PDILT: variants seen among roughly 807,000 people sequenced by gnomAD.
PDILT encodes the protein protein disulfide isomerase like, testis expressed.
PDILT carries 43 observed loss-of-function variants against 53.7 expected under a neutral mutation model. The observed-to-expected ratio is 0.80, with a 90% CI of 0.63 to 1.03. The LOEUF (loss-of-function observed/expected upper bound fraction) is 1.03, where lower values mean the gene tolerates loss of function less well. Among genes scored for constraint, PDILT ranks in the 50% least tolerant of loss-of-function variants. The pLI is 0.00. For missense variants in PDILT, 727 were observed against 712.3 expected (o/e 1.02, Z -0.24); for synonymous variants, 282 against 274.2 (o/e 1.03, Z -0.28).
At chr16:20,369,748 C>A in intron 7 of PDILT, 59 bp from the exon 8 acceptor site, 1 of 1,559,788 alleles carries the variant, frequency 6.4e-7, no homozygotes, top group Non-Finnish European at 8.8e-7. Context: ...AGAAAAACTG[C>A]TGAAAGGCTG....
chr16:20,399,784 C>A (rs1220305057), intron 1 of PDILT, among the ~76,000 whole-genome samples: 1 of 150,844 alleles, frequency 6.6e-6, no homozygotes, highest in Non-Finnish European at 1.5e-5. Context: ...TCACTACCTG[C>A]AGTGTACCCT....
rs1966180751 is a variant in PDILT at position 20,365,660 on chromosome 16, G to A, written c.1117-120C>T. On this transcript the variant is annotated intron_variant, in intron 8 of 11. Coordinates refer to ENST00000302451, the MANE Select transcript of PDILT (RefSeq NM_174924.2). Reference sequence around the variant, plus strand: ...CGTGTTTTTTTCACAAGAGCCTTAGGAAAGGGTTTGAAATACTGAGATGGA... The same window carrying A: ...CGTGTTTTTTTCACAAGAGCCTTAGAAAAGGGTTTGAAATACTGAGATGGA... The A allele has an allele frequency of 5.6e-6, 7 of 1,250,550 alleles. No homozygotes were observed. The South Asian group carries it at 7.2e-5, about 13-fold the overall frequency. The allele number at this position is 1,250,550 out of a possible 1,614,324, so 77.5% of individuals were successfully genotyped here. A position where few individuals can be genotyped will look rare whatever the true frequency, so the allele number is the denominator to read the frequency against.
intron 7 of PDILT, among the ~76,000 whole-genome samples, chr16:20,370,257 C>T (rs1034430735): frequency 1.3e-5 from 2 of 152,186 alleles, no homozygotes; most frequent in Non-Finnish European, 2.9e-5. Flanking sequence ...AATCCCTGCC[C>T]TCAAGGAGTT....
At chr16:20,390,427 T>A (rs985055941) in intron 2 of PDILT, among the ~76,000 whole-genome samples, 2 of 152,156 alleles carry the variant, frequency 1.3e-5, no homozygotes, top group Admixed American at 6.5e-5. Context: ...CACCTTAAGA[T>A]CTTTGCTAAA....
At chr16:20,401,573 G>C (rs1341867662) in intron 1 of PDILT, among the ~76,000 whole-genome samples, 2 of 152,190 alleles carry the variant, frequency 1.3e-5, no homozygotes, top group African/African-American at 4.8e-5. Flanking sequence ...GAAAGGGCCA[G>C]ATCTGCAAAA....
At chr16:20,400,646 G>A (rs1218821979) in intron 1 of PDILT, among the ~76,000 whole-genome samples, 6 of 152,002 alleles carry the variant, frequency 3.9e-5, no homozygotes, top group Non-Finnish European at 8.8e-5. Context: ...TACAAAAATA[G>A]AGAGATGGTA....
intron 10 of PDILT, among the ~76,000 whole-genome samples, chr16:20,362,156 C>A (rs990735994): frequency 6.6e-6 from 1 of 152,170 alleles, no homozygotes; most frequent in Non-Finnish European, 1.5e-5. Context: ...ATCAAAACAC[C>A]CACATCCACT....
At chr16:20,379,653 G>A (rs1232314271) in intron 3 of PDILT, among the ~76,000 whole-genome samples, 1 of 152,178 alleles carries the variant, frequency 6.6e-6, no homozygotes, top group African/African-American at 2.4e-5. Flanking sequence ...TGTCTCTGGG[G>A]CACACTGTAT....
In PDILT at chr16:20,402,050, C is replaced by T. The variant is rs189754182; in HGVS notation, c.-8+2446G>A. The stretch of plus-strand genomic sequence containing the variant: ...CTTCCCTTTGGCTCCACGGAGCCAG[C>T]CACAGCTCCTCTTTACTCACTTGCT... On this transcript the variant is annotated intron_variant, in intron 1 of 11. Coordinates refer to ENST00000302451, the MANE Select transcript of PDILT (RefSeq NM_174924.2). Among the ~76,000 whole-genome samples, 186 of 152,360 alleles carry T rather than the reference C, an allele frequency of 1.2e-3. 1 individual carries two copies. The highest frequency in any genetic ancestry group is 4.2e-3 in the African/African-American group (173 of 41,588).
chr16:20,392,315 G>A (rs1275818482), intron 2 of PDILT, among the ~76,000 whole-genome samples: 1 of 152,160 alleles, frequency 6.6e-6, no homozygotes, highest in Non-Finnish European at 1.5e-5. Flanking sequence ...AGATGCTGAG[G>A]TCTGTCGTGG....
In PDILT at chr16:20,399,190, C is replaced by G. The variant is rs752006573; in HGVS notation, c.111G>C (p.Val37=). The G allele has an allele frequency of 1.2e-6, 2 of 1,614,192 alleles. No homozygotes were observed. The highest frequency in any genetic ancestry group is 1.7e-6 in the Non-Finnish European group (2 of 1,180,034). The part of the protein sequence containing the change: ...GVSSIHITKP[V]HILEERSLLV... ...GGAGACTGCGTTCCTCCAGGATGTG[C>G]ACAGGCTTGGTTATGTGGATGCTGG... Residue 37 remains valine, a synonymous_variant, in exon 2 of 12, where the codon GTG becomes GTC. Transcript: ENST00000302451.
chr16:20,365,301 C>T, intron 9 of PDILT, 119 bp downstream of exon 9: 1 of 1,139,778 alleles, frequency 8.8e-7, no homozygotes, highest in Non-Finnish European at 1.3e-6. Context: ...ATCTGAAGAC[C>T]ATCCTTGGCA....
intron 7 of PDILT, 64 bp downstream of exon 7, chr16:20,372,738 C>T (rs1185008520): frequency 1.9e-6 from 3 of 1,567,658 alleles, no homozygotes; most frequent in East Asian, 4.5e-5. Flanking sequence ...CAAATGGGCT[C>T]AGGGTCTGCA....
rs141725756 is a variant in PDILT, at chr16:20,393,316, T to A, written c.202+5783A>T. 2.2e-3 allele frequency among the ~76,000 whole-genome samples: 338 copies of A among 152,326 alleles called. 1 individual carries two copies. The highest frequency in any genetic ancestry group is 0.014 in the Middle Eastern group (4 of 294). ...TAAAGAAAATGGCCTAGGCTGGATT[T>A]CTCTTACAAGGTATTGCTCGAAGGG... On this transcript the variant is annotated intron_variant, in intron 2 of 11. Transcript: ENST00000302451.
intron 3 of PDILT, 34 bp from the exon 4 acceptor site, chr16:20,376,235 A>G (rs765787628): frequency 1.2e-6 from 2 of 1,611,052 alleles, no homozygotes. Flanking sequence ...GATACCAGAG[A>G]AGTTTCCTCT....
intron 8 of PDILT, among the ~76,000 whole-genome samples, chr16:20,366,992 C>CTTTA (rs1386602473): frequency 7.2e-6 from 1 of 138,116 alleles, no homozygotes; most frequent in African/African-American, 3.0e-5. Context: ...TCCTTCCTTT[C>CTTTA]TTTCTTTCTT....
rs1299306690 is a variant in PDILT at position 20,362,384 on chromosome 16, G to T, written c.1416+20C>A. The T allele has an allele frequency of 6.2e-7, 1 of 1,612,354 alleles. No individual in the cohort carries two copies. Among genetic ancestry groups the T allele is most frequent in the Non-Finnish European group, 8.5e-7 (1 of 1,179,002 alleles). On this transcript the variant is annotated intron_variant, in intron 10 of 11. Transcript: ENST00000302451. ...AACATAACATTGTTTTCAGCCATGTGCGTCCCAAGAGCCCCTCACTTGTTG... is the reference window on the plus strand; with the variant it reads ...AACATAACATTGTTTTCAGCCATGTTCGTCCCAAGAGCCCCTCACTTGTTG...
In PDILT at chr16:20,360,452, A is replaced by G. The variant is rs568965654; in HGVS notation, c.1506+116T>C. The G allele has an allele frequency of 8.4e-5, 82 of 979,198 alleles. No homozygotes were observed. The African/African-American group carries it at 1.3e-3, about 15-fold the overall frequency. The allele number at this position is 979,198 out of a possible 1,614,324, so 60.7% of individuals were successfully genotyped here. ...ACCCAACCTGGATGCTTCTCCATCC[A>G]TCCTCAACCATCTCCCAAGATTATG... is the stretch of plus-strand genomic sequence containing the variant. On this transcript the variant is annotated intron_variant, in intron 11 of 11. Transcript: ENST00000302451.
intron 3 of PDILT, 116 bp downstream of exon 3, chr16:20,384,529 G>A: frequency 8.0e-7 from 1 of 1,255,028 alleles, no homozygotes; most frequent in South Asian, 1.3e-5. Flanking sequence ...GTCACAAGCT[G>A]GAGGATCCTG....
Sources: gnomAD v4.1 joint callset for allele counts (sites outside exome capture counted in the v4.1 genomes callset) on GRCh38, gnomAD v4.1.1 for gene constraint, MANE v1.5 for transcripts, NCBI Gene and HGNC (gene_info 2026-07-23, HGNC 2026-07-21) for gene names.